PCDHGA5: variants seen among roughly 807,000 people sequenced by gnomAD.
The protein encoded by PCDHGA5 is protocadherin gamma-A5.
In PCDHGA5, 36 loss-of-function variants were observed where a neutral mutation model predicts 56.7. The observed-to-expected ratio is 0.64, with a 90% CI of 0.49 to 0.84. The LOEUF (loss-of-function observed/expected upper bound fraction) is 0.84. PCDHGA5 is among the 40% of genes least tolerant of loss of function. PCDHGA5 has a pLI of 0.00. For synonymous variants in PCDHGA5, 563 were observed against 520.2 expected (o/e 1.08, Z -1.12); for missense variants, 1,305 against 1,201.5 (o/e 1.09, Z -1.27).
chr5:141,391,109 T>C (rs1414344509), intron 1 of PCDHGA5: 1 of 152,098 alleles, frequency 6.6e-6, no homozygotes, highest in Non-Finnish European at 1.5e-5. Context: ...TAAACTAATA[T>C]AGCTAGAGGT....
At chr5:141,480,021 C>T (rs1415230863) in intron 1 of PCDHGA5, among the ~76,000 whole-genome samples, 2 of 152,208 alleles carry the variant, frequency 1.3e-5, no homozygotes, top group East Asian at 3.8e-4. Flanking sequence ...AATCTCCTTT[C>T]TAAGCCTCTT....
chr5:141,431,216 C>A lies in PCDHGA5; in HGVS notation c.2422-63591C>A. On this transcript the variant is annotated intron_variant, in intron 1 of 3. Coordinates refer to ENST00000518069, the MANE Select transcript of PCDHGA5 (RefSeq NM_018918.3). The surrounding 1 kb of genome is among the most constrained non-coding windows in gnomAD (Gnocchi z 4.8). ...AAATGCAGCCACTGAGATGCGGTTC[C>A]CTCTACCCCACGCCTGGGATCCGGA... The A allele has an allele frequency of 6.2e-7, 1 of 1,614,162 alleles. No homozygotes were observed. The highest frequency in any genetic ancestry group is 8.5e-7 in the Non-Finnish European group (1 of 1,180,048).
chr5:141,409,205 A>G (rs766592481), intron 1 of PCDHGA5: 3 of 1,614,068 alleles, frequency 1.9e-6, no homozygotes, highest in Non-Finnish European at 1.7e-6. Context: ...TAAAGTAATC[A>G]TAGAAATCCT....
In PCDHGA5 at chr5:141,431,370, A is replaced by G; in HGVS notation, c.2422-63437A>G. ...CTGAAACGCGCCCTGGACCGCGAAG[A>G]AAAGGCTGCTCACCACCTGGTCCTT... is the stretch of plus-strand genomic sequence containing the variant. On this transcript the variant is annotated intron_variant, in intron 1 of 3. Coordinates refer to ENST00000518069, the MANE Select transcript of PCDHGA5 (RefSeq NM_018918.3). The surrounding 1 kb of genome is among the most constrained non-coding windows in gnomAD (Gnocchi z 4.8). 1 of 1,613,946 alleles carries G rather than the reference A, an allele frequency of 6.2e-7. No homozygotes were observed. The highest frequency in any genetic ancestry group is 8.5e-7 in the Non-Finnish European group (1 of 1,180,014).
intron 1 of PCDHGA5, among the ~76,000 whole-genome samples, chr5:141,479,935 A>C (rs1226362422): frequency 1.3e-5 from 2 of 152,232 alleles, no homozygotes. Context: ...CATCATTGCT[A>C]TCAACTCTTG....
chr5:141,387,668 A>C, intron 1 of PCDHGA5: 1 of 689,820 alleles, frequency 1.4e-6, no homozygotes, highest in Non-Finnish European at 2.4e-6. Flanking sequence ...GGCGCTCCAG[A>C]TCTCCTCGCG....
chr5:141,470,748 A>C (rs1163686396), intron 1 of PCDHGA5, among the ~76,000 whole-genome samples: 1 of 152,106 alleles, frequency 6.6e-6, no homozygotes. Flanking sequence ...CCCTGGCTGG[A>C]GTGCAGTGGA....
chr5:141,410,623 G>T, intron 1 of PCDHGA5: 2 of 1,603,052 alleles, frequency 1.2e-6, no homozygotes, highest in Non-Finnish European at 1.7e-6. Context: ...TGACTTCGGT[G>T]AGTTTCTCTT....
At chr5:141,422,959 C>G in intron 1 of PCDHGA5, 1 of 1,614,234 alleles carries the variant, frequency 6.2e-7, no homozygotes, top group Non-Finnish European at 8.5e-7. Flanking sequence ...TGGCGTGGAG[C>G]TGGCGCCCCG....
Position 141,487,649 on chromosome 5 carries a change from G to T in PCDHGA5, c.2422-7158G>T. The T allele has an allele frequency of 1.2e-6, 2 of 1,614,020 alleles. No individual in the cohort carries two copies. The highest frequency in any genetic ancestry group is 1.7e-6 in the Non-Finnish European group (2 of 1,179,968). The stretch of plus-strand genomic sequence containing the variant: ...TTTGCAGGCTCAACAAATGCTTGAG[G>T]GTTATTCTGATCCAGGCATATGGCT... On this transcript the variant is annotated intron_variant, in intron 1 of 3. Coordinates refer to ENST00000518069, the MANE Select transcript of PCDHGA5 (RefSeq NM_018918.3). This position sits in a 1 kb window ranked among gnomAD's most constrained non-coding sequence, Gnocchi z 5.0.
chr5:141,404,656 C>A, intron 1 of PCDHGA5: 1 of 1,614,176 alleles, frequency 6.2e-7, no homozygotes, highest in Non-Finnish European at 8.5e-7. Context: ...CTGCCCTCCC[C>A]ACTGATGGTT....
intron 1 of PCDHGA5, among the ~76,000 whole-genome samples, chr5:141,468,946 C>T (rs1437282358): frequency 7.0e-6 from 1 of 141,900 alleles, no homozygotes; most frequent in East Asian, 2.0e-4. Context: ...ATGGGGTAAA[C>T]CTGTGGTTTT....
At chr5:141,445,855 T>C (rs1432695384) in intron 1 of PCDHGA5, among the ~76,000 whole-genome samples, 1 of 152,222 alleles carries the variant, frequency 6.6e-6, no homozygotes, top group Non-Finnish European at 1.5e-5. Flanking sequence ...CTTAAAATTC[T>C]GGATTTTGTT....
chr5:141,501,162 C>T (rs922957843), intron 2 of PCDHGA5, among the ~76,000 whole-genome samples: 1 of 152,134 alleles, frequency 6.6e-6, no homozygotes, highest in Non-Finnish European at 1.5e-5. Context: ...CCACCATCCC[C>T]AGCCTCATTT....
In PCDHGA5 at chr5:141,374,145, G is replaced by A. The variant is rs749263007; in HGVS notation, c.2421+7394G>A. 36 of 1,610,792 alleles carry A rather than the reference G, an allele frequency of 2.2e-5. No homozygotes were observed. In the Admixed American group the frequency reaches 2.8e-4, roughly 13 times the overall value. ...CAGGTCCTGCTCCTCACGCTCCTGG[G>A]GACGCTGTGGGGGGCCGCGGCAGCG... On this transcript the variant is annotated intron_variant, in intron 1 of 3. Transcript: ENST00000518069.
intron 1 of PCDHGA5, chr5:141,370,170 C>G (rs1188782749): frequency 2.2e-6 from 1 of 459,536 alleles, no homozygotes; most frequent in Non-Finnish European, 3.8e-6. Flanking sequence ...AGCAGAGGCG[C>G]CGGGTGCCGC....
At position 141,487,100 on chromosome 5, in the gene PCDHGA5, C is replaced by T. The variant is rs183291629; in HGVS notation, c.2422-7707C>T. On this transcript the variant is annotated intron_variant, in intron 1 of 3. Coordinates refer to ENST00000518069, the MANE Select transcript of PCDHGA5 (RefSeq NM_018918.3). The surrounding 1 kb of genome is among the most constrained non-coding windows in gnomAD (Gnocchi z 5.0). ...CCCAGCTGACCTCCCACCACAGAAG[C>T]TGGTCATTGTGGTAAAGGATAGTGG... The T allele has an allele frequency of 5.6e-4, 909 of 1,614,074 alleles. 2 individuals carry two copies. Among genetic ancestry groups the T allele is most frequent in the Non-Finnish European group, 1.4e-4 (168 of 1,179,960 alleles).
Position 141,485,713 on chromosome 5 carries a change from G to T in PCDHGA5, c.2422-9094G>T. On this transcript the variant is annotated intron_variant, in intron 1 of 3. Transcript: ENST00000518069. The surrounding 1 kb of genome is among the most constrained non-coding windows in gnomAD (Gnocchi z 5.7). ...TGAGCTCCAATGAACACTTTGCACT[G>T]GATGTGAAGAAGCGCAGCGACGGCA... 1 of 1,614,202 alleles carries T rather than the reference G, an allele frequency of 6.2e-7. No individual in the cohort carries two copies. The highest frequency in any genetic ancestry group is 8.5e-7 in the Non-Finnish European group (1 of 1,180,038).
chr5:141,450,829 A>ATTTTTT (rs373424450), intron 1 of PCDHGA5, among the ~76,000 whole-genome samples: 1 of 135,126 alleles, frequency 7.4e-6, no homozygotes. Context: ...TATTATTATT[A>ATTTTTT]TTTTTTTTTT....
Sources: gnomAD v4.1 joint callset for allele counts (sites outside exome capture counted in the v4.1 genomes callset) on GRCh38, gnomAD v4.1.1 for gene constraint, Gnocchi (gnomAD v3.1) non-coding constraint, MANE v1.5 for transcripts, NCBI Gene and HGNC (gene_info 2026-07-23, HGNC 2026-07-21) for gene names.